The following GRB10 variants were observed in gnomAD, a reference collection of about 807,000 sequenced individuals.
GRB10 encodes growth factor receptor-bound protein 10.
Under a neutral mutation model 80.9 loss-of-function variants are expected in GRB10, and 20 were observed. That is an observed-to-expected ratio of 0.25 (90% CI 0.17 to 0.36). The LOEUF is 0.36. Among genes scored for constraint, GRB10 ranks in the 10% least tolerant of loss-of-function variants. The pLI, the probability that GRB10 is intolerant of heterozygous loss-of-function variation, is 1.00. For missense variants in GRB10, 548 were observed against 747.7 expected, an observed-to-expected ratio of 0.73 and a Z score of 3.12; for synonymous variants, 291 against 291.5, an observed-to-expected ratio of 1.00 and a Z score of 0.02.
intron 5 of GRB10, among the ~76,000 whole-genome samples, chr7:50,692,336 C>A (rs951361327): frequency 4.6e-5 from 7 of 152,024 alleles, no homozygotes; most frequent in African/African-American, 1.7e-4. Flanking sequence ...TGAATAAAAT[C>A]TTCAAGATTT....
rs2046004556 is a variant in GRB10, at chr7:50,593,115, A to G, written c.1639-17T>C. The stretch of plus-strand genomic sequence containing the variant: ...GTCCTCGCACTGGAGAGACACAAGA[A>G]CACTTGCCAGGTTAGAGGCTGCCAC... On this transcript the variant is annotated splice_polypyrimidine_tract_variant and intron_variant, in intron 18 of 18. Transcript: ENST00000401949. 1.9e-6 allele frequency: 3 copies of G among 1,614,042 alleles called. No homozygotes were observed. Among genetic ancestry groups the G allele is most frequent in the Admixed American group, 1.7e-5 (1 of 60,022 alleles).
intron 4 of GRB10, among the ~76,000 whole-genome samples, chr7:50,710,182 G>T (rs551505857): frequency 2.0e-5 from 3 of 152,032 alleles, no homozygotes; most frequent in Non-Finnish European, 4.4e-5. Flanking sequence ...AGGGTGAATG[G>T]ATTGGTGCCC....
chr7:50,767,413 C>T (rs1455866227), intron 2 of GRB10, among the ~76,000 whole-genome samples: 2 of 152,104 alleles, frequency 1.3e-5, no homozygotes, highest in African/African-American at 4.8e-5. Context: ...CCTCCAAATG[C>T]AGACGACTTC....
chr7:50,626,673 G>T, intron 8 of GRB10, 149 bp downstream of exon 8: 1 of 854,546 alleles, frequency 1.2e-6, no homozygotes, highest in Non-Finnish European at 2.0e-6. Flanking sequence ...AATTTTAGGA[G>T]AAACAGGAGA....
chr7:50,593,597 C>T (rs976053247), intron 18 of GRB10, among the ~76,000 whole-genome samples: 10 of 152,176 alleles, frequency 6.6e-5, no homozygotes, highest in South Asian at 2.1e-4. Context: ...AGGTAAATTC[C>T]GTTCCTAGGT....
At chr7:50,618,172 G>T (rs1235104088) in intron 9 of GRB10, 33 bp from the exon 10 acceptor site, 6 of 1,540,292 alleles carry the variant, frequency 3.9e-6, no homozygotes, top group Non-Finnish European at 3.6e-6. Context: ...ATACGTAAAA[G>T]GTTAGCTTCA....
chr7:50,639,646 T>C (rs952616603), intron 7 of GRB10, among the ~76,000 whole-genome samples: 15 of 151,412 alleles, frequency 9.9e-5, no homozygotes, highest in Non-Finnish European at 1.8e-4. Flanking sequence ...GCACTCCAGC[T>C]TGGGCGACCA....
At chr7:50,607,127 T>C (rs1185009723) in intron 13 of GRB10, 11 of 153,058 alleles carry the variant, frequency 7.2e-5, no homozygotes, top group Admixed American at 7.1e-4. Context: ...GGTGGGTTTC[T>C]AAATGGATAT....
intron 2 of GRB10, among the ~76,000 whole-genome samples, chr7:50,774,770 C>T (rs1349503357): frequency 3.3e-5 from 5 of 152,018 alleles, no homozygotes; most frequent in African/African-American, 1.2e-4. Context: ...TATCTCAGGC[C>T]AGGATCAATT....
upstream of GRB10, among the ~76,000 whole-genome samples, chr7:50,785,504 A>G (rs1165036273): frequency 6.6e-6 from 1 of 152,252 alleles, no homozygotes; most frequent in East Asian, 1.9e-4. Flanking sequence ...ACCCTGGCCC[A>G]TGGTGACGGG....
chr7:50,652,655 G>A (rs1453252292), intron 7 of GRB10, among the ~76,000 whole-genome samples: 2 of 152,142 alleles, frequency 1.3e-5, no homozygotes, highest in Non-Finnish European at 2.9e-5. Context: ...TGAGACTTCC[G>A]CTGCTTGCTA....
chr7:50,618,153 A>G lies in GRB10; in HGVS notation c.778-14T>C, dbSNP rs1232189055. Reference sequence around the variant, plus strand: ...TGGGAAGAAATTCTAAGAAAATGGGAAAAAACAAATACGTAAAAGGTTAGC... The same window carrying G: ...TGGGAAGAAATTCTAAGAAAATGGGGAAAAACAAATACGTAAAAGGTTAGC... On this transcript the variant is annotated splice_polypyrimidine_tract_variant and intron_variant, in intron 9 of 18. Coordinates refer to ENST00000401949, the MANE Select transcript of GRB10 (RefSeq NM_001350814.2). 6.2e-7 allele frequency: 1 copy of G among 1,605,902 alleles called. No homozygotes were observed. Among genetic ancestry groups the G allele is most frequent in the Non-Finnish European group, 8.5e-7 (1 of 1,172,678 alleles).
chr7:50,770,731 T>G (rs905282669), intron 2 of GRB10, among the ~76,000 whole-genome samples: 1 of 149,256 alleles, frequency 6.7e-6, no homozygotes, highest in African/African-American at 2.5e-5. Context: ...TAAAGGGATT[T>G]AAAAAGTACA....
intron 15 of GRB10, 31 bp from the exon 16 acceptor site, chr7:50,604,408 G>A: frequency 6.4e-7 from 1 of 1,566,886 alleles, no homozygotes; most frequent in Non-Finnish European, 8.8e-7. Context: ...TAGCACCGAG[G>A]ACAGCAGACA....
rs980910474 is a variant in GRB10 at position 50,756,059 on chromosome 7, GGAAAGTCAAACGGGCCATCACTGA to G, written c.-216-27_-216-4del. On this transcript the variant is annotated splice_polypyrimidine_tract_variant and splice_region_variant and intron_variant, in intron 2 of 18. Coordinates refer to ENST00000401949, the MANE Select transcript of GRB10 (RefSeq NM_001350814.2). ...CAGCATTGTGGTCAGCGCCAAAGCT[GGAAAGTCAAACGGGCCATCACTGA>G]ACTTCCGTAGAATTTATACAAATGA... 14 of 398,512 alleles carry G rather than the reference GGAAAGTCAAACGGGCCATCACTGA, an allele frequency of 3.5e-5. No homozygotes were observed. Among genetic ancestry groups the G allele is most frequent in the Non-Finnish European group, 5.3e-5 (12 of 226,080 alleles). The allele number at this position is 398,512 out of a possible 1,614,324, so 24.7% of individuals were successfully genotyped here. A position where few individuals can be genotyped will look rare whatever the true frequency, so the allele number is the denominator to read the frequency against.
In GRB10 at chr7:50,788,854, G is replaced by A. The variant is rs114478225; in HGVS notation, c.-294+4370C>T. Among the ~76,000 whole-genome samples the A allele has an allele frequency of 8.3e-3, 1,262 of 152,248 alleles. 25 individuals are homozygous for A. Among genetic ancestry groups the A allele is most frequent in the African/African-American group, 0.028 (1,183 of 41,540 alleles). Reference sequence around the variant, plus strand: ...CTGTAAGAGTCCAGACACCAACCGTGGGGGCCTGAAGACAAATGCCACAGG... The same window carrying A: ...CTGTAAGAGTCCAGACACCAACCGTAGGGGCCTGAAGACAAATGCCACAGG... On this transcript the variant is annotated intron_variant, in intron 1 of 16. Coordinates refer to the GRB10 transcript ENST00000335866.
At chr7:50,653,809 C>G (rs948564694) in intron 7 of GRB10, among the ~76,000 whole-genome samples, 1 of 152,194 alleles carries the variant, frequency 6.6e-6, no homozygotes, top group African/African-American at 2.4e-5. Flanking sequence ...AGAAGCTACC[C>G]AAGTAAAGTT....
At chr7:50,608,810 C>A (rs140675644) in intron 13 of GRB10, among the ~76,000 whole-genome samples, 2 of 151,934 alleles carry the variant, frequency 1.3e-5, no homozygotes, top group South Asian at 4.2e-4. Flanking sequence ...ATAAAAAATA[C>A]AAAAATTAGC....
rs2074288301 is a variant in GRB10 at position 50,752,521 on chromosome 7, T to C, written c.-47+3366A>G. Among the ~76,000 whole-genome samples, 3 of 152,328 alleles carry C rather than the reference T, an allele frequency of 2.0e-5. No individual in the cohort carries two copies. In the South Asian group the frequency reaches 6.2e-4, roughly 32 times the overall value. ...CTGTCCTATAAATGGGAAAGAACCA[T>C]GCATCAGAGCATCTGGGCCAGAGAA... On this transcript the variant is annotated intron_variant, in intron 3 of 18. Coordinates refer to ENST00000401949, the MANE Select transcript of GRB10 (RefSeq NM_001350814.2).
Sources: allele counts gnomAD v4.1 joint callset (sites outside exome capture counted in the v4.1 genomes callset), GRCh38; gene constraint gnomAD v4.1.1; transcripts MANE v1.5; gene names NCBI Gene and HGNC (gene_info 2026-07-23, HGNC 2026-07-21).